Variants in TOM1L2 observed in about 807,000 individuals in gnomAD.
The protein encoded by TOM1L2 is TOM1-like protein 2.
In TOM1L2, 31 loss-of-function variants were observed where a neutral mutation model predicts 67.9. That is an observed-to-expected ratio of 0.46 (90% confidence interval 0.34 to 0.62). TOM1L2 has a LOEUF of 0.62. Among genes scored for constraint, TOM1L2 ranks in the 20% least tolerant of loss-of-function variants. The pLI is 0.01. For synonymous variants in TOM1L2, 256 were observed against 254.0 expected, an observed-to-expected ratio of 1.01 and a Z score of -0.07; for missense variants, 606 against 663.5, an observed-to-expected ratio of 0.91 and a Z score of 0.95.
chr17:17,910,461 C>T lies in TOM1L2; in HGVS notation c.53-2930G>A, dbSNP rs1453946361. Among the ~76,000 whole-genome samples the T allele has an allele frequency of 7.9e-5, 12 of 152,292 alleles. No homozygotes were observed. The East Asian group carries it at 2.3e-3, about 29-fold the overall frequency. On this transcript the variant is annotated intron_variant, in intron 1 of 14. Coordinates refer to ENST00000379504, the MANE Select transcript of TOM1L2 (RefSeq NM_001082968.2). Reference sequence around the variant, plus strand: ...TATGGATCTCAGCCCTGGCTGTACACGAGAACCACCTGGGGAGCTTCTAGA... The same window carrying T: ...TATGGATCTCAGCCCTGGCTGTACATGAGAACCACCTGGGGAGCTTCTAGA...
intron 1 of TOM1L2, among the ~76,000 whole-genome samples, chr17:17,936,822 T>C (rs920883226): frequency 6.6e-6 from 1 of 152,230 alleles, no homozygotes; most frequent in African/African-American, 2.4e-5. Flanking sequence ...TTTATAGTAG[T>C]AACCTTTGTG....
At position 17,847,244 on chromosome 17, in the gene TOM1L2, G is replaced by A. The variant is rs1108648; in HGVS notation, c.*391C>T. On this transcript the variant is annotated 3_prime_UTR_variant, in exon 15 of 15. Transcript: ENST00000379504. ...GGAGGGCAGAATGCCTGAGAAGGTC[G>A]CTGAGCCAGGCAGAGGTGAGCACAG... 0.52 allele frequency: 111,287 copies of A among 215,538 alleles called. 31,115 individuals carry two copies. Among genetic ancestry groups the A allele is most frequent in the Non-Finnish European group, 0.63 (67,291 of 107,066 alleles). 13.4% of individuals were successfully genotyped at this position (215,538 alleles called of 1,614,324 possible).
intron 1 of TOM1L2, among the ~76,000 whole-genome samples, chr17:17,934,983 T>C (rs1176608112): frequency 6.6e-6 from 1 of 152,192 alleles, no homozygotes; most frequent in Non-Finnish European, 1.5e-5. Context: ...ACATAGCAAT[T>C]AGAGTGGAAC....
Position 17,847,731 on chromosome 17 carries a change from G to C in TOM1L2, c.1428C>G (p.Asp476Glu). The change falls in exon 15 of 15, where the codon GAC becomes GAG. Residue 476 changes from aspartate to glutamate, a missense_variant. Physicochemically the swap from Asp to Glu is conservative, Grantham distance 45 (BLOSUM62 2). Coordinates refer to ENST00000379504, the MANE Select transcript of TOM1L2 (RefSeq NM_001082968.2). Reference sequence around the variant, plus strand: ...GAGCCTCCATGGGGGGCGAGGGGAGGTCGGGAACCATTTCAGCAGCTTTGG... The same window carrying C: ...GAGCCTCCATGGGGGGCGAGGGGAGCTCGGGAACCATTTCAGCAGCTTTGG... ...ERAKAAEMVPDLPSPPMEAPA... is the reference protein window; with the variant it reads ...ERAKAAEMVPELPSPPMEAPA... 1 of 1,614,060 alleles carries C rather than the reference G, an allele frequency of 6.2e-7. No homozygotes were observed. The highest frequency in any genetic ancestry group is 8.5e-7 in the Non-Finnish European group (1 of 1,180,000).
chr17:17,899,618 G>A (rs967302765), intron 2 of TOM1L2, among the ~76,000 whole-genome samples: 8 of 152,188 alleles, frequency 5.3e-5, no homozygotes, highest in African/African-American at 1.9e-4. Context: ...AAAGCTGTGG[G>A]CCTAGCAGCT....
chr17:17,963,018 G>A, intron 1 of TOM1L2, among the ~76,000 whole-genome samples: 1 of 150,568 alleles, frequency 6.6e-6, no homozygotes, highest in East Asian at 1.9e-4. Context: ...TTTTTTTAAA[G>A]AATAAATAGA....
intron 7 of TOM1L2, among the ~76,000 whole-genome samples, chr17:17,871,096 T>A (rs2143867722): frequency 6.6e-6 from 1 of 152,138 alleles, no homozygotes; most frequent in South Asian, 2.1e-4. Flanking sequence ...CGGGGCCAGG[T>A]GTGGTGGCTC....
chr17:17,950,443 G>A (rs2041152696), intron 1 of TOM1L2, among the ~76,000 whole-genome samples: 1 of 151,982 alleles, frequency 6.6e-6, no homozygotes, highest in Admixed American at 6.6e-5. Context: ...ACAGGCGTGA[G>A]TCACTATGCC....
chr17:17,873,151 C>T (rs1381853842), intron 7 of TOM1L2, among the ~76,000 whole-genome samples: 1 of 152,194 alleles, frequency 6.6e-6, no homozygotes, highest in African/African-American at 2.4e-5. Context: ...CAAACTCTTA[C>T]TCATCCTTCA....
intron 1 of TOM1L2, among the ~76,000 whole-genome samples, chr17:17,944,958 G>A (rs751507886): frequency 7.2e-5 from 11 of 152,114 alleles, no homozygotes; most frequent in Non-Finnish European, 1.5e-4. Context: ...TCCCAACACC[G>A]TACTCCTGAC....
At chr17:17,917,020 C>T (rs141462803) in intron 1 of TOM1L2, among the ~76,000 whole-genome samples, 204 of 152,170 alleles carry the variant, frequency 1.3e-3, no homozygotes, top group African/African-American at 4.7e-3. Flanking sequence ...ATTAGCTGGG[C>T]GCAGGGGCAC....
intron 1 of TOM1L2, among the ~76,000 whole-genome samples, chr17:17,908,504 G>A: frequency 6.6e-6 from 1 of 152,182 alleles, no homozygotes; most frequent in Non-Finnish European, 1.5e-5. Context: ...CAGTGAACCT[G>A]CAGAGGAAGA....
Position 17,869,443 on chromosome 17 carries a change from G to C in TOM1L2, c.808C>G (p.Gln270Glu), listed in dbSNP as rs769430448. The change falls in exon 8 of 15, where the codon CAG (glutamine) becomes GAG (glutamate). Residue 270 changes from glutamine to glutamate, a missense_variant. Gln to Glu is a conservative substitution (Grantham distance 29). Around this residue, in one of 2 missense-constraint regions of TOM1L2, gnomAD observed 543 missense variants for 554.0 expected, o/e 0.98. Coordinates refer to ENST00000379504, the MANE Select transcript of TOM1L2 (RefSeq NM_001082968.2). ...CGGGAGATGAGCTCCACGATGCGCT[G>C]CTGCATGGCCCGACAGGTCCTGTTG... ...ELNRTCRAMQ[Q>E]RIVELISRVS... 1.2e-6 allele frequency: 2 copies of C among 1,612,406 alleles called. No individual in the cohort carries two copies. The highest frequency in any genetic ancestry group is 2.2e-5 in the South Asian group (2 of 90,992).
Position 17,850,894 on chromosome 17 carries a change from A to T in TOM1L2, c.1337T>A (p.Leu446Gln). The change falls in exon 13 of 15, where the codon CTG (leucine) becomes CAG (glutamine). Residue 446 changes from leucine to glutamine, a missense_variant and splice_region_variant. By Grantham distance (113) the Leu-to-Gln change is moderately radical (BLOSUM62 -2). Coordinates refer to ENST00000379504, the MANE Select transcript of TOM1L2 (RefSeq NM_001082968.2). ...DDIEVWLRTDLKGDDLEEGVT... is the reference protein window; with the variant it reads ...DDIEVWLRTDQKGDDLEEGVT... The stretch of plus-strand genomic sequence containing the variant: ...TGAAATAGAAAAGTCGAGTCTCACC[A>T]GGTCGGTCCTGAGCCACACCTCAAT... 6.2e-7 allele frequency: 1 copy of T among 1,614,060 alleles called. No homozygotes were observed. The highest frequency in any genetic ancestry group is 2.2e-5 in the East Asian group (1 of 44,884).
chr17:17,867,339 G>C (rs981510693), intron 8 of TOM1L2, among the ~76,000 whole-genome samples: 1 of 152,196 alleles, frequency 6.6e-6, no homozygotes, highest in Non-Finnish European at 1.5e-5. Flanking sequence ...CTGGGGAAAG[G>C]GGGTGGGGCA....
chr17:17,879,688 G>T lies in TOM1L2; in HGVS notation c.716C>A (p.Ser239Tyr), dbSNP rs552793390. Residue 239 changes from serine (S) to tyrosine (Y), a missense_variant, in exon 7 of 15, where the codon TCT (serine) becomes TAT (tyrosine). By Grantham distance (144) the Ser-to-Tyr change is moderately radical. Transcript: ENST00000379504. ...AGGGACCATTTCTGTTAACATCTCA[G>T]ACATGACTTTTGTGTTTCCTCGAAC... Reference protein sequence around the residue: ...DVVRGNTKVMSEMLTEMVPGQ... With the variant: ...DVVRGNTKVMYEMLTEMVPGQ... 1 of 1,614,236 alleles carries T rather than the reference G, an allele frequency of 6.2e-7. No individual in the cohort carries two copies. Among genetic ancestry groups the T allele is most frequent in the South Asian group, 1.1e-5 (1 of 91,086 alleles).
chr17:17,887,430 G>C (rs2038054753), intron 4 of TOM1L2, among the ~76,000 whole-genome samples: 1 of 152,178 alleles, frequency 6.6e-6, no homozygotes, highest in African/African-American at 2.4e-5. Flanking sequence ...AAAACGTACA[G>C]ATGGGAGACA....
chr17:17,900,656 T>C (rs545697838), intron 2 of TOM1L2, among the ~76,000 whole-genome samples: 70 of 152,338 alleles, frequency 4.6e-4, no homozygotes, highest in African/African-American at 1.6e-3. Context: ...GTAGGAATTC[T>C]TGGCCCCTGG....
At chr17:17,878,374 C>T (rs572098472) in intron 7 of TOM1L2, among the ~76,000 whole-genome samples, 1 of 152,328 alleles carries the variant, frequency 6.6e-6, no homozygotes, top group Non-Finnish European at 1.5e-5. Flanking sequence ...TACATGGAGA[C>T]AAGTTGTTTC....
Sources: allele counts gnomAD v4.1 joint callset (sites outside exome capture counted in the v4.1 genomes callset), GRCh38; gene constraint gnomAD v4.1.1; regional missense constraint gnomAD v4.1.1; transcripts MANE v1.5; gene names NCBI Gene and HGNC (gene_info 2026-07-23, HGNC 2026-07-21).